The following TNRC6A variants were observed in gnomAD, a reference collection of about 807,000 sequenced individuals.
TNRC6A encodes the protein trinucleotide repeat containing adaptor 6A.
A neutral mutation model predicts 221.2 loss-of-function variants in TNRC6A; 44 were observed. That is an observed-to-expected ratio of 0.20 (90% CI 0.16 to 0.26). The LOEUF (loss-of-function observed/expected upper bound fraction) is 0.26. TNRC6A is among the 10% of genes least tolerant of loss of function. The probability of loss-of-function intolerance (pLI) is 1.00; values close to 1 mark genes in which losing one functional copy is unlikely to be tolerated. For missense variants in TNRC6A, 2,199 were observed against 2,404.4 expected, an observed-to-expected ratio of 0.91 and a Z score of 1.79; for synonymous variants, 847 against 838.5, an observed-to-expected ratio of 1.01 and a Z score of -0.18.
At chr16:24,707,615 TTAA>T (rs1420510047) in intron 2 of TNRC6A, among the ~76,000 whole-genome samples, 5 of 152,164 alleles carry the variant, frequency 3.3e-5, no homozygotes, top group Admixed American at 2.0e-4. Flanking sequence ...TGAATAGTTT[TTAA>T]ATTGGGCAAA....
chr16:24,636,336 G>A (rs1901634438), intron 1 of TNRC6A, among the ~76,000 whole-genome samples: 1 of 151,280 alleles, frequency 6.6e-6, no homozygotes, highest in Non-Finnish European at 1.5e-5. Context: ...TGTAATGTTA[G>A]ATTTGTGATT....
chr16:24,819,008 A>AG (rs1227405613), intron 21 of TNRC6A, among the ~76,000 whole-genome samples: 1 of 152,162 alleles, frequency 6.6e-6, no homozygotes, highest in African/African-American at 2.4e-5. Context: ...TAAAAAAAAA[A>AG]AAAAATGCCA....
At chr16:24,739,569 G>C (rs2151277634) in intron 2 of TNRC6A, among the ~76,000 whole-genome samples, 1 of 144,004 alleles carries the variant, frequency 6.9e-6, no homozygotes, top group Admixed American at 7.3e-5. Flanking sequence ...AACTCCACCT[G>C]CCAGGTTCAA....
chr16:24,614,283 G>A (rs374700929), intron 1 of TNRC6A, among the ~76,000 whole-genome samples: 6 of 152,232 alleles, frequency 3.9e-5, no homozygotes, highest in Non-Finnish European at 8.8e-5. Context: ...GCGAGGCCCC[G>A]TGGGCCTAGA....
At position 24,763,109 on chromosome 16, in the gene TNRC6A, A is replaced by G. The variant is rs80064349; in HGVS notation, c.163+4749A>G. ...TCTTTGGTTGTTGATGAAAATGAAC[A>G]AGAGTTTTGAGAGCCAAGCAAGCAG... On this transcript the variant is annotated intron_variant, in intron 4 of 24. Coordinates refer to ENST00000395799, the MANE Select transcript of TNRC6A (RefSeq NM_014494.4). Among the ~76,000 whole-genome samples the G allele has an allele frequency of 9.2e-3, 1,401 of 152,314 alleles. 10 individuals are homozygous for G. Among genetic ancestry groups the G allele is most frequent in the Non-Finnish European group, 0.014 (942 of 68,020 alleles).
chr16:24,704,880 A>C (rs2056066690), intron 2 of TNRC6A, among the ~76,000 whole-genome samples: 1 of 151,282 alleles, frequency 6.6e-6, no homozygotes. Flanking sequence ...GATGGTTCAC[A>C]CCTGTCCCAG....
At chr16:24,675,018 C>T (rs1208823173) in intron 2 of TNRC6A, among the ~76,000 whole-genome samples, 2 of 152,046 alleles carry the variant, frequency 1.3e-5, no homozygotes, top group South Asian at 2.1e-4. Context: ...TGGTGGCATG[C>T]GTCTGTAGTC....
chr16:24,610,739 C>G (rs561986438), intron 1 of TNRC6A, among the ~76,000 whole-genome samples: 1 of 152,110 alleles, frequency 6.6e-6, no homozygotes, highest in African/African-American at 2.4e-5. Flanking sequence ...CCGAGCCTCT[C>G]CTCTCTCTAT....
intron 18 of TNRC6A, among the ~76,000 whole-genome samples, chr16:24,812,085 G>C (rs1253931986): frequency 1.7e-5 from 2 of 114,556 alleles, no homozygotes; most frequent in African/African-American, 6.6e-5. Flanking sequence ...GTCTCACTCG[G>C]TCACCCAGGC....
intron 2 of TNRC6A, among the ~76,000 whole-genome samples, chr16:24,674,765 T>G (rs1041214116): frequency 6.6e-6 from 1 of 151,120 alleles, no homozygotes; most frequent in African/African-American, 2.4e-5. Flanking sequence ...AACAATCATG[T>G]GACGTAAACT....
chr16:24,704,319 AT>A (rs1429182093), intron 2 of TNRC6A, among the ~76,000 whole-genome samples: 1 of 151,970 alleles, frequency 6.6e-6, no homozygotes, highest in Non-Finnish European at 1.5e-5. Flanking sequence ...GTGTATTCAT[AT>A]TTTTTAACAT....
At chr16:24,760,053 T>A (rs777102108) in intron 4 of TNRC6A, among the ~76,000 whole-genome samples, 4 of 152,190 alleles carry the variant, frequency 2.6e-5, no homozygotes, top group Non-Finnish European at 5.9e-5. Flanking sequence ...CCCTCATTAA[T>A]CTAACCTCCC....
chr16:24,650,974 C>T (rs1254526719), intron 2 of TNRC6A, among the ~76,000 whole-genome samples: 5 of 152,136 alleles, frequency 3.3e-5, no homozygotes, highest in Middle Eastern at 3.2e-3. Context: ...CCACACGTGG[C>T]CAGTGGCCAG....
intron 2 of TNRC6A, among the ~76,000 whole-genome samples, chr16:24,659,477 T>C (rs2054984241): frequency 6.6e-6 from 1 of 152,168 alleles, no homozygotes; most frequent in Non-Finnish European, 1.5e-5. Context: ...TTGGTCTTGC[T>C]CTGTTACCCA....
At chr16:24,778,836 A>T (rs1333218689) in intron 5 of TNRC6A, among the ~76,000 whole-genome samples, 2 of 152,162 alleles carry the variant, frequency 1.3e-5, no homozygotes. Context: ...CTGGGGAGTC[A>T]GATTGGAAGC....
chr16:24,632,353 T>G (rs1399533849), intron 1 of TNRC6A, among the ~76,000 whole-genome samples: 2 of 152,070 alleles, frequency 1.3e-5, no homozygotes, highest in Non-Finnish European at 2.9e-5. Context: ...CTTTCCCAAC[T>G]GAAGAAATTC....
Position 24,651,820 on chromosome 16 carries a change from T to A in TNRC6A, n.402+10811T>A, listed in dbSNP as rs1283917188. On this transcript the variant is annotated intron_variant and non_coding_transcript_variant, in intron 2 of 2. Coordinates refer to the TNRC6A transcript ENST00000566108. The stretch of plus-strand genomic sequence containing the variant: ...GAGGAAAAAAGAAAGTTGTACAATG[T>A]GATGTCATTTTAAAAATTGATGATA... Among the ~76,000 whole-genome samples the A allele has an allele frequency of 2.0e-5, 3 of 151,448 alleles. No homozygotes were observed. The East Asian group carries it at 5.8e-4, about 29-fold the overall frequency.
At chr16:24,788,015 G>A (rs1416342383) in intron 5 of TNRC6A, among the ~76,000 whole-genome samples, 1 of 152,182 alleles carries the variant, frequency 6.6e-6, no homozygotes, top group African/African-American at 2.4e-5. Context: ...CAGAATGCAC[G>A]TGACTTATGC....
At chr16:24,615,194 A>T (rs1337556102) in intron 1 of TNRC6A, among the ~76,000 whole-genome samples, 1 of 152,188 alleles carries the variant, frequency 6.6e-6, no homozygotes, top group Non-Finnish European at 1.5e-5. Context: ...GAGTAATTGA[A>T]GGAAAGGCAC....
Sources: allele counts gnomAD v4.1 joint callset (sites outside exome capture counted in the v4.1 genomes callset), GRCh38; gene constraint gnomAD v4.1.1; transcripts MANE v1.5; gene names NCBI Gene and HGNC (gene_info 2026-07-23, HGNC 2026-07-21).